DLGAP1: variants seen among roughly 807,000 people sequenced by gnomAD.
DLGAP1 encodes DLG associated protein 1, also known as disks large-associated protein 1.
DLGAP1 carries 11 observed loss-of-function variants against 90.8 expected under a neutral mutation model. That is an observed-to-expected ratio of 0.12 (90% CI 0.08 to 0.20). The LOEUF (loss-of-function observed/expected upper bound fraction) is 0.20, where lower values mean the gene tolerates loss of function less well. Among genes scored for constraint, DLGAP1 ranks in the 10% least tolerant of loss-of-function variants. The probability of loss-of-function intolerance (pLI) is 1.00; values close to 1 mark genes in which losing one functional copy is unlikely to be tolerated. For synonymous variants in DLGAP1, 558 were observed against 540.7 expected (o/e 1.03, Z -0.44); for missense variants, 1,050 against 1,333.8 (o/e 0.79, Z 3.31).
intron 10 of DLGAP1, among the ~76,000 whole-genome samples, chr18:3,513,257 A>G (rs1376749263): frequency 1.3e-5 from 2 of 152,110 alleles, no homozygotes; most frequent in African/African-American, 4.8e-5. Flanking sequence ...ACCACATTCC[A>G]TTTATCCACT....
chr18:3,830,222 A>T (rs1462824463), intron 4 of DLGAP1, among the ~76,000 whole-genome samples: 2 of 152,244 alleles, frequency 1.3e-5, no homozygotes, highest in African/African-American at 2.4e-5. Context: ...TCTTGTTGAC[A>T]AATGAACAGG....
intron 5 of DLGAP1, among the ~76,000 whole-genome samples, chr18:3,804,833 T>C (rs1365792705): frequency 2.0e-5 from 3 of 152,166 alleles, no homozygotes; most frequent in African/African-American, 7.2e-5. Flanking sequence ...TCAGATAGCA[T>C]TGAATCTCTT....
chr18:4,444,955 A>G (rs1355081049), intron 1 of DLGAP1, among the ~76,000 whole-genome samples: 3 of 152,210 alleles, frequency 2.0e-5, no homozygotes, highest in African/African-American at 7.2e-5. Flanking sequence ...ATGAATCATG[A>G]TAGTAGAATC....
chr18:4,278,710 CAT>C (rs1491527582), intron 1 of DLGAP1, among the ~76,000 whole-genome samples: 2 of 151,014 alleles, frequency 1.3e-5, no homozygotes, highest in Non-Finnish European at 2.9e-5. Context: ...TATATATGTG[CAT>C]GTGTGTGTGT....
At position 3,737,374 on chromosome 18, in the gene DLGAP1, A is replaced by G. The variant is rs1283046899; in HGVS notation, c.1350+4961T>C. Reference sequence around the variant, plus strand: ...ATGAACATTGATGCAAAAATCCTCAATAAAATACTGGCAAAACGAATCCAG... The same window carrying G: ...ATGAACATTGATGCAAAAATCCTCAGTAAAATACTGGCAAAACGAATCCAG... On this transcript the variant is annotated intron_variant, in intron 6 of 12. Coordinates refer to ENST00000315677, the MANE Select transcript of DLGAP1 (RefSeq NM_004746.4). Among the ~76,000 whole-genome samples the G allele has an allele frequency of 4.6e-5, 7 of 150,570 alleles. No homozygotes were observed. In the East Asian group the frequency reaches 6.0e-4, roughly 13 times the overall value.
At chr18:4,132,955 G>A (rs114641378) in intron 2 of DLGAP1, among the ~76,000 whole-genome samples, 259 of 152,308 alleles carry the variant, frequency 1.7e-3, no homozygotes, top group African/African-American at 5.9e-3. Flanking sequence ...GGTAATGCAA[G>A]GATACTTCAG....
At chr18:3,720,888 C>CAAAAAGAAAAAAAAAA (rs2061949342) in intron 7 of DLGAP1, among the ~76,000 whole-genome samples, 1 of 50,312 alleles carries the variant, frequency 2.0e-5, no homozygotes, top group Non-Finnish European at 3.6e-5. Context: ...CTTGTCTCTA[C>CAAAAAGAAAAAAAAAA]AAAAAAAAAA....
chr18:3,982,998 A>T (rs1007889958), intron 3 of DLGAP1: 2 of 152,238 alleles, frequency 1.3e-5, no homozygotes, highest in African/African-American at 4.8e-5. Flanking sequence ...TTATAATAAC[A>T]TATCAGGAAC....
At chr18:4,331,738 T>C (rs2080957583) in intron 1 of DLGAP1, among the ~76,000 whole-genome samples, 1 of 151,860 alleles carries the variant, frequency 6.6e-6, no homozygotes, top group Admixed American at 6.6e-5. Context: ...GCTTCTTGAT[T>C]CTATTAAATT....
chr18:3,704,285 A>C (rs762152715), intron 7 of DLGAP1, among the ~76,000 whole-genome samples: 2 of 152,088 alleles, frequency 1.3e-5, no homozygotes, highest in Non-Finnish European at 2.9e-5. Context: ...TTAAAGAAAA[A>C]ATTGACCGGG....
At chr18:3,519,962 G>C (rs566412640) in intron 10 of DLGAP1, among the ~76,000 whole-genome samples, 1 of 152,168 alleles carries the variant, frequency 6.6e-6, no homozygotes, top group African/African-American at 2.4e-5. Flanking sequence ...AGGTTGATAG[G>C]TGTGGCAAAC....
At chr18:4,167,034 T>G (rs2076944809) in intron 1 of DLGAP1, among the ~76,000 whole-genome samples, 1 of 152,198 alleles carries the variant, frequency 6.6e-6, no homozygotes, top group Admixed American at 6.5e-5. Context: ...CCTTACATTA[T>G]GTATATTTTA....
intron 7 of DLGAP1, among the ~76,000 whole-genome samples, chr18:3,713,698 T>G (rs1315316844): frequency 6.6e-6 from 1 of 152,182 alleles, no homozygotes; most frequent in Non-Finnish European, 1.5e-5. Flanking sequence ...TCATAAGTAT[T>G]TGGTGGTCCT....
At chr18:3,884,668 T>G (rs2071263167) in intron 3 of DLGAP1, among the ~76,000 whole-genome samples, 1 of 152,224 alleles carries the variant, frequency 6.6e-6, no homozygotes, top group Non-Finnish European at 1.5e-5. Context: ...CAATGATAAT[T>G]TCTGTAAATT....
At chr18:3,930,225 CTA>C (rs1208777450) in intron 3 of DLGAP1, among the ~76,000 whole-genome samples, 1 of 152,148 alleles carries the variant, frequency 6.6e-6, no homozygotes, top group African/African-American at 2.4e-5. Flanking sequence ...CATTCTTTTC[CTA>C]TTTTTCTATT....
intron 2 of DLGAP1, among the ~76,000 whole-genome samples, chr18:4,010,617 G>C (rs535624609): frequency 1.3e-5 from 2 of 152,286 alleles, no homozygotes; most frequent in East Asian, 3.9e-4. Flanking sequence ...AAAAAGCATA[G>C]GAATCATACA....
At chr18:3,981,414 C>T (rs868455858) in intron 3 of DLGAP1, among the ~76,000 whole-genome samples, 1 of 152,192 alleles carries the variant, frequency 6.6e-6, no homozygotes, top group Non-Finnish European at 1.5e-5. Flanking sequence ...TCAGACCTGG[C>T]GGAGACCACA....
chr18:4,437,036 A>G (rs1312807264), intron 1 of DLGAP1, among the ~76,000 whole-genome samples: 3 of 152,248 alleles, frequency 2.0e-5, no homozygotes, highest in Non-Finnish European at 4.4e-5. Context: ...CCATGCTGCC[A>G]GGACTTAGAA....
At chr18:4,231,341 C>T (rs2078294894) in intron 1 of DLGAP1, among the ~76,000 whole-genome samples, 1 of 152,148 alleles carries the variant, frequency 6.6e-6, no homozygotes, top group Admixed American at 6.6e-5. Flanking sequence ...ACTTCTCTGC[C>T]CTGCTCTGGA....
Sources: gnomAD v4.1 joint callset for allele counts (sites outside exome capture counted in the v4.1 genomes callset) on GRCh38, gnomAD v4.1.1 for gene constraint, MANE v1.5 for transcripts, NCBI Gene and HGNC (gene_info 2026-07-23, HGNC 2026-07-21) for gene names.